Variants in RIC8B observed in about 807,000 individuals in gnomAD.
RIC8B encodes chaperone Ric-8B.
In RIC8B, 16 loss-of-function variants were observed where a neutral mutation model predicts 57.5. The observed-to-expected ratio is 0.28, with a 90% CI of 0.19 to 0.42. RIC8B has a LOEUF of 0.42. Among genes scored for constraint, RIC8B ranks in the 10% least tolerant of loss-of-function variants. RIC8B has a pLI of 1.00. For missense variants in RIC8B, 481 were observed against 677.0 expected (o/e 0.71, Z 3.21); for synonymous variants, 216 against 250.8 (o/e 0.86, Z 1.31).
chr12:106,851,826 A>C (rs931756328), intron 7 of RIC8B, among the ~76,000 whole-genome samples: 6 of 152,192 alleles, frequency 3.9e-5, no homozygotes, highest in African/African-American at 1.2e-4. Context: ...CTCACATTTA[A>C]ACTTTGCCTT....
chr12:106,774,975 G>A, intron 1 of RIC8B, 146 bp downstream of exon 1: 1 of 634,044 alleles, frequency 1.6e-6, no homozygotes, highest in Non-Finnish European at 2.8e-6. Context: ...ATGCGTGTTT[G>A]TGCCCCCAGC....
At chr12:106,885,220 A>G (rs1434101835) in intron 9 of RIC8B, among the ~76,000 whole-genome samples, 1 of 152,200 alleles carries the variant, frequency 6.6e-6, no homozygotes, top group Admixed American at 6.6e-5. Flanking sequence ...ATTAGCTGAA[A>G]AGCGGCAGTT....
At chr12:106,797,645 A>T (rs1455442019) in intron 2 of RIC8B, among the ~76,000 whole-genome samples, 2 of 152,234 alleles carry the variant, frequency 1.3e-5, no homozygotes, top group African/African-American at 2.4e-5. Context: ...TGAATCTTAC[A>T]ATATGTGAAT....
intron 7 of RIC8B, among the ~76,000 whole-genome samples, chr12:106,857,814 G>A (rs1302750184): frequency 1.3e-5 from 2 of 152,166 alleles, no homozygotes; most frequent in African/African-American, 2.4e-5. Flanking sequence ...GCTTCTCACT[G>A]TGAGGATTTC....
chr12:106,782,136 T>A (rs746696617), intron 1 of RIC8B, among the ~76,000 whole-genome samples: 1 of 152,176 alleles, frequency 6.6e-6, no homozygotes, highest in East Asian at 1.9e-4. Flanking sequence ...GGTGAATATA[T>A]TATGTATAAT....
At chr12:106,885,835 G>A in intron 9 of RIC8B, 69 bp from the exon 10 acceptor site, 2 of 940,060 alleles carry the variant, frequency 2.1e-6, no homozygotes, top group Non-Finnish European at 1.6e-6. Flanking sequence ...GGATTTGGGT[G>A]GGGGGGAGGG....
chr12:106,820,343 A>C (rs1460210085), intron 3 of RIC8B, among the ~76,000 whole-genome samples: 1 of 152,226 alleles, frequency 6.6e-6, no homozygotes, highest in African/African-American at 2.4e-5. Context: ...TGGGAAATGT[A>C]GCTAGCCTTA....
intron 2 of RIC8B, among the ~76,000 whole-genome samples, chr12:106,805,895 C>G (rs1422392980): frequency 6.6e-6 from 1 of 152,166 alleles, no homozygotes; most frequent in Non-Finnish European, 1.5e-5. Context: ...ATCTACTTCT[C>G]TCTCTCTTTT....
intron 4 of RIC8B, among the ~76,000 whole-genome samples, chr12:106,832,779 T>A (rs2046412297): frequency 6.6e-6 from 1 of 152,184 alleles, no homozygotes; most frequent in African/African-American, 2.4e-5. Context: ...TAATTCCCCA[T>A]CCCTACCTAT....
intron 4 of RIC8B, among the ~76,000 whole-genome samples, chr12:106,837,649 T>G (rs1463082463): frequency 4.0e-5 from 6 of 148,706 alleles, no homozygotes; most frequent in African/African-American, 4.9e-5. Context: ...GTTTTTTTTT[T>G]TTTTTTTTTT....
At chr12:106,823,986 C>T (rs990189885) in intron 3 of RIC8B, among the ~76,000 whole-genome samples, 1 of 152,062 alleles carries the variant, frequency 6.6e-6, no homozygotes, top group African/African-American at 2.4e-5. Flanking sequence ...GCACCCGACT[C>T]GTATGAGAGA....
chr12:106,778,459 G>C (rs1159454996), intron 1 of RIC8B, among the ~76,000 whole-genome samples: 1 of 152,086 alleles, frequency 6.6e-6, no homozygotes, highest in African/African-American at 2.4e-5. Flanking sequence ...TTAATGGGAG[G>C]AGCAGTTGTT....
chr12:106,843,647 G>A lies in RIC8B; in HGVS notation c.1066-205G>A, dbSNP rs185981711. 8.3e-3 allele frequency among the ~76,000 whole-genome samples: 1,246 copies of A among 150,514 alleles called. 3 individuals are homozygous for A. The highest frequency in any genetic ancestry group is 0.012 in the Admixed American group (185 of 15,136). ...TGAGGCAGGAGAATGGCGTGAACCC[G>A]GGAGGTGGAGCTTGCAGTGAGCCGA... On this transcript the variant is annotated intron_variant, in intron 5 of 9. Coordinates refer to ENST00000392837, the MANE Select transcript of RIC8B (RefSeq NM_001330145.2).
At chr12:106,817,453 G>A (rs2045622759) in intron 3 of RIC8B, among the ~76,000 whole-genome samples, 1 of 152,080 alleles carries the variant, frequency 6.6e-6, no homozygotes, top group South Asian at 2.1e-4. Context: ...TTTTGTGGAA[G>A]TTAAACAGTG....
At chr12:106,870,217 C>A (rs1950342245) in intron 8 of RIC8B, among the ~76,000 whole-genome samples, 1 of 152,078 alleles carries the variant, frequency 6.6e-6, no homozygotes, top group African/African-American at 2.4e-5. Context: ...ATATACCTGT[C>A]TCTTGGTAGG....
chr12:106,788,474 T>C (rs531480567), intron 2 of RIC8B, among the ~76,000 whole-genome samples: 1 of 152,320 alleles, frequency 6.6e-6, no homozygotes, highest in East Asian at 1.9e-4. Flanking sequence ...TGCACTGCCC[T>C]AGCAGAGGTT....
At chr12:106,871,232 G>A (rs1281415437) in intron 9 of RIC8B, 1 of 221,840 alleles carries the variant, frequency 4.5e-6, no homozygotes, top group Non-Finnish European at 8.7e-6. Flanking sequence ...GATGCTGTGA[G>A]TTAGATTCAG....
intron 4 of RIC8B, among the ~76,000 whole-genome samples, chr12:106,840,683 G>A (rs1004263103): frequency 2.0e-5 from 3 of 152,148 alleles, no homozygotes; most frequent in South Asian, 2.1e-4. Flanking sequence ...TTCTTGAAAA[G>A]CCTAAAACCT....
chr12:106,879,660 G>A lies in RIC8B; in HGVS notation c.1572-6244G>A, dbSNP rs1360947849. On this transcript the variant is annotated intron_variant, in intron 9 of 9. Coordinates refer to ENST00000392837, the MANE Select transcript of RIC8B (RefSeq NM_001330145.2). This position sits in a 1 kb window ranked among gnomAD's most constrained non-coding sequence, Gnocchi z 4.9. ...CCAAGGGTTAGGCTGGGGCAAAATA[G>A]GGTTTCCTTTCTTGGACGTGCTTTA... 1.0e-6 allele frequency: 1 copy of A among 985,298 alleles called. No individual in the cohort carries two copies. The highest frequency in any genetic ancestry group is 1.2e-6 in the Non-Finnish European group (1 of 829,938). The allele number at this position is 985,298 out of a possible 1,614,324, so 61.0% of individuals were successfully genotyped here.
Sources: allele counts gnomAD v4.1 joint callset (sites outside exome capture counted in the v4.1 genomes callset), GRCh38; gene constraint gnomAD v4.1.1; non-coding constraint Gnocchi (gnomAD v3.1); transcripts MANE v1.5; gene names NCBI Gene and HGNC (gene_info 2026-07-23, HGNC 2026-07-21).